The following SLC25A48 variants were observed in gnomAD, a reference collection of about 807,000 sequenced individuals.
SLC25A48 encodes CTC-321K16.1.
A neutral mutation model predicts 32.2 loss-of-function variants in SLC25A48; 29 were observed. That is an observed-to-expected ratio of 0.90 (90% CI 0.67 to 1.23). SLC25A48 has a LOEUF of 1.23. Among genes scored for constraint, SLC25A48 ranks in the 50% most tolerant of loss-of-function variants. SLC25A48 has a pLI of 0.00. For missense variants in SLC25A48, 399 were observed against 422.7 expected, an observed-to-expected ratio of 0.94 and a Z score of 0.49; for synonymous variants, 164 against 172.3, an observed-to-expected ratio of 0.95 and a Z score of 0.38.
At chr5:135,850,126 G>C (rs1269001238) in intron 2 of SLC25A48, among the ~76,000 whole-genome samples, 1 of 152,170 alleles carries the variant, frequency 6.6e-6, no homozygotes, top group Non-Finnish European at 1.5e-5. Context: ...AGATAGGGTA[G>C]AGTCCCAGTT....
chr5:135,774,607 C>T lies in SLC25A48; in HGVS notation c.-520-37916C>T, dbSNP rs528052628. On this transcript the variant is annotated intron_variant, in intron 3 of 10. Transcript: ENST00000646290. The stretch of plus-strand genomic sequence containing the variant: ...TATACACCCCTCTTCTGATATTGTT[C>T]CTATTATCCAGAGGGAAAGATGATG... Among the ~76,000 whole-genome samples, 3 of 151,800 alleles carry T rather than the reference C, an allele frequency of 2.0e-5. No homozygotes were observed. The East Asian group carries it at 5.8e-4, about 29-fold the overall frequency.
chr5:135,812,317 T>C (rs993440448), intron 3 of SLC25A48, among the ~76,000 whole-genome samples: 1 of 152,172 alleles, frequency 6.6e-6, no homozygotes, highest in African/African-American at 2.4e-5. Flanking sequence ...TTACAAACAC[T>C]CCCATTTATA....
At chr5:135,882,465 TAAG>T (rs1486686488) in intron 7 of SLC25A48, among the ~76,000 whole-genome samples, 4 of 152,238 alleles carry the variant, frequency 2.6e-5, no homozygotes, top group Non-Finnish European at 5.9e-5. Flanking sequence ...AAGCTGTCCC[TAAG>T]AAGTGGCGGG....
At position 135,742,344 on chromosome 5, in the gene SLC25A48, G is replaced by A. The variant is rs1004967079; in HGVS notation, c.-520-70179G>A. ...GATCTGCCCGCCTTGGCCTCCCACAGTGCTGGGATTACAAGCATGAATCAC... is the reference window on the plus strand; with the variant it reads ...GATCTGCCCGCCTTGGCCTCCCACAATGCTGGGATTACAAGCATGAATCAC... On this transcript the variant is annotated intron_variant, in intron 3 of 10. Coordinates refer to the SLC25A48 transcript ENST00000646290. The A allele has an allele frequency of 4.8e-6, 4 of 836,854 alleles. No homozygotes were observed. In the African/African-American group the frequency reaches 5.3e-5, roughly 11 times the overall value. 51.8% of individuals were successfully genotyped at this position (836,854 alleles called of 1,614,324 possible).
At chr5:135,719,123 G>T (rs1386477814) in intron 3 of SLC25A48, among the ~76,000 whole-genome samples, 2 of 152,156 alleles carry the variant, frequency 1.3e-5, no homozygotes, top group Non-Finnish European at 2.9e-5. Context: ...CCTTACAAGT[G>T]CATGTGAATC....
At chr5:135,826,788 C>T (rs1758068426) in intron 4 of SLC25A48, 1 of 152,242 alleles carries the variant, frequency 6.6e-6, no homozygotes, top group African/African-American at 2.4e-5. Context: ...CTGGGATTCA[C>T]ACCAGCTCTG....
intron 3 of SLC25A48, among the ~76,000 whole-genome samples, chr5:135,702,891 G>A (rs887611360): frequency 3.3e-5 from 5 of 152,216 alleles, no homozygotes; most frequent in South Asian, 4.1e-4. Flanking sequence ...AGCCTCCTTC[G>A]TGGCTCACAC....
At chr5:135,873,975 G>C (rs2126812293) in intron 5 of SLC25A48, 46 bp from the exon 6 acceptor site, 2 of 1,499,776 alleles carry the variant, frequency 1.3e-6, no homozygotes, top group Middle Eastern at 1.7e-4. Flanking sequence ...GGCCCCTCCA[G>C]ATCCTAAGGA....
At chr5:135,707,091 C>A (rs896830169) in intron 3 of SLC25A48, among the ~76,000 whole-genome samples, 1 of 152,006 alleles carries the variant, frequency 6.6e-6, no homozygotes, top group Non-Finnish European at 1.5e-5. Flanking sequence ...GGGGTGTGGG[C>A]GGCAGGGGCC....
chr5:135,816,747 A>G (rs1757729621), intron 4 of SLC25A48, among the ~76,000 whole-genome samples: 1 of 152,228 alleles, frequency 6.6e-6, no homozygotes, highest in South Asian at 2.1e-4. Context: ...TGAATAAAAT[A>G]AGAAACCACT....
At chr5:135,612,170 C>T (rs539216294) in intron 1 of SLC25A48, among the ~76,000 whole-genome samples, 10 of 152,178 alleles carry the variant, frequency 6.6e-5, no homozygotes, top group African/African-American at 2.2e-4. Flanking sequence ...TTAAAAATTA[C>T]AAAACATTGC....
intron 3 of SLC25A48, among the ~76,000 whole-genome samples, chr5:135,768,177 A>G (rs6864760): frequency 0.32 from 42,148 of 133,710 alleles, 6,668 homozygotes; most frequent in East Asian, 0.46. Flanking sequence ...TATTGGGAGT[A>G]ATATCGCAGT....
chr5:135,830,434 G>A (rs746868311), upstream of SLC25A48, among the ~76,000 whole-genome samples: 1 of 152,166 alleles, frequency 6.6e-6, no homozygotes, highest in Non-Finnish European at 1.5e-5. Context: ...GCCCAGAGAG[G>A]CAGCAGCAGC....
intron 3 of SLC25A48, among the ~76,000 whole-genome samples, chr5:135,777,530 C>A (rs1246461080): frequency 1.3e-5 from 2 of 151,362 alleles, no homozygotes; most frequent in Non-Finnish European, 2.9e-5. Flanking sequence ...AGAAGGTATA[C>A]ACACTCCCTG....
intron 1 of SLC25A48, among the ~76,000 whole-genome samples, chr5:135,580,657 TTATG>T (rs1751211446): frequency 6.6e-6 from 1 of 152,140 alleles, no homozygotes; most frequent in South Asian, 2.1e-4. Flanking sequence ...CTTTTGGCAT[TTATG>T]TTAGTTTTTA....
At chr5:135,869,878 T>G (rs1020541827) in intron 4 of SLC25A48, among the ~76,000 whole-genome samples, 2 of 152,160 alleles carry the variant, frequency 1.3e-5, no homozygotes, top group Non-Finnish European at 1.5e-5. Flanking sequence ...CACACTGAAG[T>G]TGGCCTAATG....
intron 1 of SLC25A48, 99 bp from the exon 2 acceptor site, chr5:135,842,317 A>G (rs1759073868): frequency 1.6e-6 from 2 of 1,259,946 alleles, no homozygotes; most frequent in Non-Finnish European, 1.2e-6. Flanking sequence ...CCAGCAATTG[A>G]CCGTTGACTA....
chr5:135,879,919 G>T, intron 6 of SLC25A48, 49 bp from the exon 7 acceptor site: 2 of 1,528,928 alleles, frequency 1.3e-6, no homozygotes, highest in African/African-American at 1.4e-5. Flanking sequence ...TGGTGGCCCT[G>T]CAGAGAGTGT....
intron 3 of SLC25A48, among the ~76,000 whole-genome samples, chr5:135,719,942 C>T (rs984746551): frequency 5.3e-5 from 8 of 152,212 alleles, no homozygotes; most frequent in Non-Finnish European, 7.4e-5. Flanking sequence ...CAGGGCATGG[C>T]TGCAGTCCAC....
Sources: gnomAD v4.1 joint callset for allele counts (sites outside exome capture counted in the v4.1 genomes callset) on GRCh38, gnomAD v4.1.1 for gene constraint, MANE v1.5 for transcripts, NCBI Gene and HGNC (gene_info 2026-07-23, HGNC 2026-07-21) for gene names.